The following FER variants were observed in gnomAD, a reference collection of about 807,000 sequenced individuals.
FER encodes the protein FER tyrosine kinase, also known as tyrosine-protein kinase Fer.
Under a neutral mutation model 111.0 loss-of-function variants are expected in FER, and 63 were observed. The observed-to-expected ratio is 0.57, with a 90% CI of 0.46 to 0.70. FER has a LOEUF of 0.70. Among genes scored for constraint, FER ranks in the 30% least tolerant of loss-of-function variants. The probability of loss-of-function intolerance (pLI) is 0.00; values close to 1 mark genes in which losing one functional copy is unlikely to be tolerated. For synonymous variants in FER, 327 were observed against 313.9 expected (o/e 1.04, Z -0.44); for missense variants, 914 against 954.0 (o/e 0.96, Z 0.55).
In FER at chr5:108,844,061, T is replaced by TGTGTGTGAACAC. The variant is rs1561500033; in HGVS notation, c.481+8254_481+8255insGTGTGTGAACAC. ...GTGAACATATATATGTGTGTGAACA[T>TGTGTGTGAACAC]ATATATGTGTGTGAACATATATGCG... On this transcript the variant is annotated intron_variant, in intron 5 of 19. Coordinates refer to ENST00000281092, the MANE Select transcript of FER (RefSeq NM_005246.4). Among the ~76,000 whole-genome samples the TGTGTGTGAACAC allele has an allele frequency of 1.5e-3, 138 of 90,008 alleles. 4 individuals are homozygous for TGTGTGTGAACAC. Among genetic ancestry groups the TGTGTGTGAACAC allele is most frequent in the African/African-American group, 5.4e-3 (109 of 20,260 alleles). The allele number at this position is 90,008 out of a possible 152,430, so 59.0% of individuals were successfully genotyped here.
At chr5:108,851,420 T>G (rs1217064882) in intron 5 of FER, among the ~76,000 whole-genome samples, 1 of 152,160 alleles carries the variant, frequency 6.6e-6, no homozygotes, top group Non-Finnish European at 1.5e-5. Flanking sequence ...TACCTCCCAC[T>G]GGGTCCCTCC....
intron 16 of FER, among the ~76,000 whole-genome samples, chr5:109,093,774 A>G (rs1747125636): frequency 6.6e-6 from 1 of 152,084 alleles, no homozygotes; most frequent in African/African-American, 2.4e-5. Context: ...TGCAGGTTTT[A>G]CTGTAGCAGA....
At chr5:108,796,970 A>T (rs1756097112) in intron 2 of FER, among the ~76,000 whole-genome samples, 2 of 151,636 alleles carry the variant, frequency 1.3e-5, no homozygotes, top group Admixed American at 1.3e-4. Context: ...CACAACTGGG[A>T]ATGTGCTGGG....
At chr5:108,879,160 T>C (rs1001345868) in intron 8 of FER, among the ~76,000 whole-genome samples, 58 of 152,112 alleles carry the variant, frequency 3.8e-4, no homozygotes, top group Non-Finnish European at 4.7e-4. Context: ...TTTATGACTT[T>C]TAACTGCTTT....
At chr5:108,852,338 T>A (rs1762615137) in intron 5 of FER, among the ~76,000 whole-genome samples, 1 of 152,210 alleles carries the variant, frequency 6.6e-6, no homozygotes, top group Admixed American at 6.5e-5. Flanking sequence ...CAGTTTGAAA[T>A]GAGTCCAGCC....
intron 14 of FER, among the ~76,000 whole-genome samples, chr5:109,044,074 G>A (rs1346855146): frequency 6.6e-6 from 1 of 151,958 alleles, no homozygotes; most frequent in Admixed American, 6.6e-5. Context: ...TAGCTGTTGT[G>A]CTAGTGTGTT....
intron 17 of FER, among the ~76,000 whole-genome samples, chr5:109,172,721 C>T (rs1020770488): frequency 6.6e-6 from 1 of 151,832 alleles, no homozygotes; most frequent in Non-Finnish European, 1.5e-5. Context: ...AATCTGTACC[C>T]CCACCAAGTT....
chr5:108,907,129 A>G (rs1253519247), intron 10 of FER, among the ~76,000 whole-genome samples: 2 of 152,184 alleles, frequency 1.3e-5, no homozygotes, highest in Non-Finnish European at 2.9e-5. Context: ...TAAAAACAAT[A>G]TACAGCTCCA....
At chr5:109,091,505 C>T (rs1746755939) in intron 16 of FER, among the ~76,000 whole-genome samples, 2 of 152,144 alleles carry the variant, frequency 1.3e-5, no homozygotes, top group South Asian at 4.1e-4. Context: ...CTGCCGCGGG[C>T]AAAGAGCCAC....
chr5:108,830,084 G>C (rs1048763321), intron 3 of FER, among the ~76,000 whole-genome samples: 1 of 152,166 alleles, frequency 6.6e-6, no homozygotes, highest in Non-Finnish European at 1.5e-5. Flanking sequence ...CATTTATTTA[G>C]CTTGGTAGAG....
At position 109,194,721 on chromosome 5, in the gene FER, A is replaced by G. The variant is rs1286883469; in HGVS notation, c.*7146A>G. 1 of 152,156 alleles carries G rather than the reference A, an allele frequency of 6.6e-6. No homozygotes were observed. The highest frequency in any genetic ancestry group is 1.5e-5 in the Non-Finnish European group (1 of 68,016). The allele number at this position is 152,156 out of a possible 1,614,324, so 9.4% of individuals were successfully genotyped here. A position where few individuals can be genotyped will look rare whatever the true frequency, so the allele number is the denominator to read the frequency against. On this transcript the variant is annotated 3_prime_UTR_variant, in exon 20 of 20. Transcript: ENST00000281092. The stretch of plus-strand genomic sequence containing the variant: ...CGGCGTTCTGAGCAACACAGGATAA[A>G]TGTAGGAGGGCCTTAAAAAATAAAT...
At chr5:109,129,628 A>C (rs1266706815) in intron 17 of FER, among the ~76,000 whole-genome samples, 2 of 152,082 alleles carry the variant, frequency 1.3e-5, no homozygotes, top group African/African-American at 2.4e-5. Context: ...CTTACAAAAC[A>C]AAATAAAACA....
chr5:109,129,238 C>A (rs1296803923), intron 17 of FER, among the ~76,000 whole-genome samples: 1 of 151,888 alleles, frequency 6.6e-6, no homozygotes, highest in African/African-American at 2.4e-5. Context: ...ATAAATGATT[C>A]TACTTTTTCA....
At chr5:108,937,815 G>A (rs1164303357) in intron 10 of FER, among the ~76,000 whole-genome samples, 1 of 151,792 alleles carries the variant, frequency 6.6e-6, no homozygotes, top group Admixed American at 6.6e-5. Context: ...TGGGGTGACA[G>A]CCAAATAAGA....
At chr5:108,897,963 G>A (rs1018301538) in intron 10 of FER, 115 bp downstream of exon 10, 2 of 970,174 alleles carry the variant, frequency 2.1e-6, no homozygotes, top group South Asian at 2.1e-5. Flanking sequence ...TAATATGCAG[G>A]TCCTATTAAA....
At position 109,082,965 on chromosome 5, in the gene FER, AC is replaced by A. The variant is rs200843195; in HGVS notation, c.1925-17425del. ...TAAGCAAGATAGCTTTCTGTTCTGA[AC>A]CCCCCAAAAAAAGAAAAAAAGGCAG... On this transcript the variant is annotated intron_variant, in intron 16 of 19. Coordinates refer to ENST00000281092, the MANE Select transcript of FER (RefSeq NM_005246.4). Among the ~76,000 whole-genome samples the A allele has an allele frequency of 4.9e-3, 737 of 151,828 alleles. 4 individuals are homozygous for A. Among genetic ancestry groups the A allele is most frequent in the Middle Eastern group, 0.017 (5 of 294 alleles).
intron 17 of FER, among the ~76,000 whole-genome samples, chr5:109,137,297 C>G (rs1165842803): frequency 6.6e-6 from 1 of 152,172 alleles, no homozygotes; most frequent in East Asian, 1.9e-4. Context: ...TCTGTCTCTT[C>G]TTCAACTATG....
At chr5:108,754,201 A>G (rs1750811872) in intron 1 of FER, among the ~76,000 whole-genome samples, 1 of 152,152 alleles carries the variant, frequency 6.6e-6, no homozygotes, top group Non-Finnish European at 1.5e-5. Context: ...ACTTGAGCCT[A>G]GAAGTTTGAG....
chr5:109,107,502 G>A (rs1582059969), intron 17 of FER, among the ~76,000 whole-genome samples: 1 of 151,934 alleles, frequency 6.6e-6, no homozygotes. Flanking sequence ...CCCTCAAGTA[G>A]ACCCCAGTGT....
Sources: allele counts gnomAD v4.1 joint callset (sites outside exome capture counted in the v4.1 genomes callset), GRCh38; gene constraint gnomAD v4.1.1; transcripts MANE v1.5; gene names NCBI Gene and HGNC (gene_info 2026-07-23, HGNC 2026-07-21).